Variants in SPATA17 observed in about 807,000 individuals in gnomAD.
SPATA17 encodes spermatogenesis associated 17.
A neutral mutation model predicts 62.2 loss-of-function variants in SPATA17; 53 were observed. That is an observed-to-expected ratio of 0.85 (90% CI 0.68 to 1.07). SPATA17 has a LOEUF of 1.07. Among genes scored for constraint, SPATA17 ranks in the 50% least tolerant of loss-of-function variants. SPATA17 has a pLI of 0.00. For synonymous variants in SPATA17, 146 were observed against 146.8 expected, an observed-to-expected ratio of 0.99 and a Z score of 0.04; for missense variants, 466 against 425.5, an observed-to-expected ratio of 1.10 and a Z score of -0.84.
At chr1:217,660,701 T>G (rs1002113501) in intron 3 of SPATA17, among the ~76,000 whole-genome samples, 1 of 152,180 alleles carries the variant, frequency 6.6e-6, no homozygotes, top group Non-Finnish European at 1.5e-5. Flanking sequence ...AGATCCAGCT[T>G]GCTCCTTCAA....
intron 9 of SPATA17, among the ~76,000 whole-genome samples, chr1:217,824,150 C>T (rs1019508058): frequency 2.6e-5 from 4 of 151,864 alleles, no homozygotes; most frequent in African/African-American, 9.7e-5. Context: ...CTTACTAGTG[C>T]TATTTTCCAA....
At chr1:217,847,718 G>A (rs558109498) in intron 9 of SPATA17, among the ~76,000 whole-genome samples, 1 of 152,038 alleles carries the variant, frequency 6.6e-6, no homozygotes, top group Non-Finnish European at 1.5e-5. Context: ...AGGTATTTAA[G>A]GTAAATGTAA....
chr1:217,637,159 C>T (rs921948780), intron 1 of SPATA17, among the ~76,000 whole-genome samples: 1 of 152,172 alleles, frequency 6.6e-6, no homozygotes, highest in Non-Finnish European at 1.5e-5. Context: ...TGAATATCTA[C>T]TACATGCTGA....
intron 7 of SPATA17, among the ~76,000 whole-genome samples, chr1:217,777,723 A>G (rs987844169): frequency 4.6e-5 from 7 of 152,100 alleles, no homozygotes; most frequent in Non-Finnish European, 1.0e-4. Context: ...ATTCTCAATT[A>G]CCTAGTAAAC....
intron 8 of SPATA17, among the ~76,000 whole-genome samples, chr1:217,800,231 T>C (rs1674274475): frequency 6.6e-6 from 1 of 151,786 alleles, no homozygotes; most frequent in Non-Finnish European, 1.5e-5. Flanking sequence ...GGCTTTTTGA[T>C]AGATTTTATT....
intron 9 of SPATA17, chr1:217,850,439 T>A: frequency 7.4e-7 from 1 of 1,345,240 alleles, no homozygotes; most frequent in African/African-American, 1.5e-5. Flanking sequence ...AGGTACAGGG[T>A]CAACTCTTTC....
intron 8 of SPATA17, among the ~76,000 whole-genome samples, chr1:217,798,108 A>G (rs1225669891): frequency 6.6e-6 from 1 of 152,212 alleles, no homozygotes; most frequent in Non-Finnish European, 1.5e-5. Flanking sequence ...AAAGCAATTG[A>G]CATAATTCCT....
intron 6 of SPATA17, among the ~76,000 whole-genome samples, chr1:217,773,769 A>T (rs897039077): frequency 6.6e-6 from 1 of 152,158 alleles, no homozygotes. Flanking sequence ...ATTATAGCCT[A>T]TATTATAGGT....
At chr1:217,802,204 T>G (rs1032794926) in intron 9 of SPATA17, among the ~76,000 whole-genome samples, 4 of 152,102 alleles carry the variant, frequency 2.6e-5, no homozygotes, top group Non-Finnish European at 5.9e-5. Context: ...TCTCAATCTA[T>G]GTATGTATGT....
chr1:217,730,649 A>G (rs1672383808), intron 5 of SPATA17, among the ~76,000 whole-genome samples: 1 of 152,202 alleles, frequency 6.6e-6, no homozygotes, highest in Non-Finnish European at 1.5e-5. Flanking sequence ...ACTCATTTGA[A>G]AGTAAAAGAC....
chr1:217,776,086 G>A (rs1302495934), intron 7 of SPATA17, among the ~76,000 whole-genome samples: 2 of 152,090 alleles, frequency 1.3e-5, no homozygotes, highest in South Asian at 2.1e-4. Context: ...TTTTACAAAT[G>A]TAAATTTGAG....
At position 217,808,606 on chromosome 1, in the gene SPATA17, C is replaced by T. The variant is rs149428208; in HGVS notation, c.1005+6756C>T. On this transcript the variant is annotated intron_variant, in intron 9 of 10. Transcript: ENST00000366933. ...CAGTGGCCCACGCCTGTAATCCCAGCACTTTGGGAGGCCGAGGTGGGCAGA... is the reference window on the plus strand; with the variant it reads ...CAGTGGCCCACGCCTGTAATCCCAGTACTTTGGGAGGCCGAGGTGGGCAGA... Among the ~76,000 whole-genome samples the T allele has an allele frequency of 2.2e-3, 336 of 152,284 alleles. 2 individuals carry two copies. The highest frequency in any genetic ancestry group is 6.6e-3 in the African/African-American group (276 of 41,566).
chr1:217,836,236 C>A (rs1675256155), intron 9 of SPATA17, among the ~76,000 whole-genome samples: 2 of 152,244 alleles, frequency 1.3e-5, no homozygotes, highest in South Asian at 4.1e-4. Context: ...ACTTTTTTCA[C>A]CAAACAGCAA....
chr1:217,648,971 G>C lies in SPATA17; in HGVS notation c.158G>C (p.Arg53Thr). The C allele has an allele frequency of 1.3e-6, 2 of 1,596,092 alleles. No homozygotes were observed. The highest frequency in any genetic ancestry group is 1.7e-6 in the Non-Finnish European group (2 of 1,172,078). Residue 53 changes from arginine to threonine, a missense_variant and splice_region_variant, in exon 2 of 11, where the codon AGG becomes ACG. Arg to Thr is a moderately conservative substitution (Grantham distance 71, BLOSUM62 -1). Coordinates refer to ENST00000366933, the MANE Select transcript of SPATA17 (RefSeq NM_138796.4). ...GGATGTCAAGTTCGGGCATATATCA[G>C]GTATATTGCTTTTGTCATGGAAACC... ...FRGCQVRAYI[R>T]HLNRIVTIIQ... is the part of the protein sequence containing the mutation.
intron 8 of SPATA17, among the ~76,000 whole-genome samples, chr1:217,798,542 T>G (rs2102986101): frequency 6.6e-6 from 1 of 152,338 alleles, no homozygotes; most frequent in South Asian, 2.1e-4. Flanking sequence ...GTCAGACTTC[T>G]GTGGGCATCA....
Position 217,864,264 on chromosome 1 carries a change from A to G in SPATA17, c.*2+1408A>G, listed in dbSNP as rs188528594. The stretch of plus-strand genomic sequence containing the variant: ...TGACTTCAGCTTTTAACTCAAAGAT[A>G]TATCAGTCCTGTTTATGATAATGAA... On this transcript the variant is annotated intron_variant, in intron 10 of 10. Coordinates refer to ENST00000366933, the MANE Select transcript of SPATA17 (RefSeq NM_138796.4). Among the ~76,000 whole-genome samples, 4 of 152,330 alleles carry G rather than the reference A, an allele frequency of 2.6e-5. No homozygotes were observed. In the East Asian group the frequency reaches 5.8e-4, roughly 22 times the overall value.
At chr1:217,823,989 T>C (rs1674929335) in intron 9 of SPATA17, among the ~76,000 whole-genome samples, 1 of 151,990 alleles carries the variant, frequency 6.6e-6, no homozygotes, top group Non-Finnish European at 1.5e-5. Flanking sequence ...GTTTGTTTCC[T>C]TACAGGTAAA....
At chr1:217,674,758 T>C (rs978339008) in intron 4 of SPATA17, among the ~76,000 whole-genome samples, 2 of 152,220 alleles carry the variant, frequency 1.3e-5, no homozygotes, top group Admixed American at 1.3e-4. Context: ...TGCTCTGGCC[T>C]GTGGCTCCAG....
At chr1:217,739,540 A>G (rs929821833) in intron 5 of SPATA17, 3 of 152,140 alleles carry the variant, frequency 2.0e-5, no homozygotes, top group African/African-American at 4.8e-5. Flanking sequence ...CAACCTATCT[A>G]AATGTCTTGG....
Sources: gnomAD v4.1 joint callset for allele counts (sites outside exome capture counted in the v4.1 genomes callset) on GRCh38, gnomAD v4.1.1 for gene constraint, MANE v1.5 for transcripts, NCBI Gene and HGNC (gene_info 2026-07-23, HGNC 2026-07-21) for gene names.